Variants in CDKN2B-AS1 observed in about 807,000 individuals in gnomAD.
CDKN2B-AS1 encodes the protein CDKN2B and CDKN2A antisense cis and trans regulatory RNA 1, also known as CDKN2B antisense RNA 1 (non-protein coding).
At chr9:22,098,776 G>T (rs72652454) in intron 4 of CDKN2B-AS1, among the ~76,000 whole-genome samples, 184 of 152,228 alleles carry the variant, frequency 1.2e-3, no homozygotes, top group Admixed American at 2.5e-3. Flanking sequence ...CCCAGAACTG[G>T]CATCTTCTGA....
At chr9:22,017,690 C>A (rs914566699) in intron 1 of CDKN2B-AS1, among the ~76,000 whole-genome samples, 1 of 152,144 alleles carries the variant, frequency 6.6e-6, no homozygotes, top group African/African-American at 2.4e-5. Flanking sequence ...ATATGAACAA[C>A]ATATTGAAGT....
rs77588214 is a variant in CDKN2B-AS1 at position 22,063,772 on chromosome 9, G to A, written n.438+7385G>A. ...CCTGTGAGGAAACGAAGACCCCGGA[G>A]CTGGAGGACTCAAAGAGTTTGGAGA... On this transcript the variant is annotated intron_variant and non_coding_transcript_variant, in intron 4 of 4. Transcript: ENST00000650946. Among the ~76,000 whole-genome samples the A allele has an allele frequency of 8.1e-3, 1,239 of 152,306 alleles. 84 individuals carry two copies. In the East Asian group the frequency reaches 0.17, roughly 21 times the overall value.
chr9:22,016,747 G>A (rs1377192980), intron 1 of CDKN2B-AS1, among the ~76,000 whole-genome samples: 1 of 152,214 alleles, frequency 6.6e-6, no homozygotes, highest in Non-Finnish European at 1.5e-5. Flanking sequence ...CTAGCCATAT[G>A]TAGAAAGCTG....
intron 1 of CDKN2B-AS1, among the ~76,000 whole-genome samples, chr9:22,025,280 C>T (rs1195955821): frequency 1.3e-5 from 2 of 152,162 alleles, no homozygotes; most frequent in Non-Finnish European, 1.5e-5. Context: ...GGGGTGGGAC[C>T]TGTGGGAGAT....
At chr9:22,089,949 G>A (rs934189675) in intron 4 of CDKN2B-AS1, among the ~76,000 whole-genome samples, 4 of 151,422 alleles carry the variant, frequency 2.6e-5, no homozygotes, top group Admixed American at 1.3e-4. Context: ...TTAATATTAG[G>A]TATATCTCCT....
intron 4 of CDKN2B-AS1, among the ~76,000 whole-genome samples, chr9:22,126,004 A>C (rs1232876958): frequency 1.3e-5 from 2 of 152,212 alleles, no homozygotes; most frequent in Non-Finnish European, 2.9e-5. Flanking sequence ...TGATCCTTGA[A>C]TAATGCAGCA....
intron 4 of CDKN2B-AS1, chr9:22,120,606 G>GT (rs889037805): frequency 6.6e-6 from 1 of 151,836 alleles, no homozygotes; most frequent in African/African-American, 2.4e-5. Context: ...TCTACTAATG[G>GT]TTTTTTTAAA....
rs575432212 is a variant in CDKN2B-AS1 at position 21,997,430 on chromosome 9, G to T, written n.29+2269G>T. ...TGTGTGTATACAATTTTATATATAC[G>T]TACATTATATGTCTACACACACATA... is the stretch of plus-strand genomic sequence containing the variant. On this transcript the variant is annotated intron_variant and non_coding_transcript_variant, in intron 1 of 4. Coordinates refer to ENST00000650946, the Ensembl canonical transcript of CDKN2B-AS1. The surrounding 1 kb of genome is among the most constrained non-coding windows in gnomAD (Gnocchi z 4.8). Among the ~76,000 whole-genome samples the T allele has an allele frequency of 2.0e-5, 3 of 150,006 alleles. No individual in the cohort carries two copies. The highest frequency in any genetic ancestry group is 4.4e-5 in the Non-Finnish European group (3 of 67,564).
intron 1 of CDKN2B-AS1, among the ~76,000 whole-genome samples, chr9:22,017,825 A>AGTTTAGTAGT (rs1453503929): frequency 0.022 from 3,375 of 152,316 alleles, 94 homozygotes; most frequent in African/African-American, 0.062. Flanking sequence ...GAGGTGTTGC[A>AGTTTAGTAGT]TTAGTAACCA....
chr9:22,090,833 A>C (rs903471393), intron 4 of CDKN2B-AS1, among the ~76,000 whole-genome samples: 6 of 152,132 alleles, frequency 3.9e-5, no homozygotes, highest in African/African-American at 1.4e-4. Context: ...TAGTTTAATT[A>C]GATCCCATTT....
At chr9:22,121,020 A>C in intron 4 of CDKN2B-AS1, 1 of 152,190 alleles carries the variant, frequency 6.6e-6, no homozygotes, top group Admixed American at 6.5e-5. Flanking sequence ...AAGCAGTCTA[A>C]CCTTAGAGTA....
In CDKN2B-AS1 at chr9:22,000,939, C is replaced by T. The variant is rs886261274; in HGVS notation, n.29+5778C>T. The stretch of plus-strand genomic sequence containing the variant: ...TTGGTCCTGACTCCTACTCTGTTAT[C>T]CATAGCTCAGTACCTAGTATCTGGC... On this transcript the variant is annotated intron_variant and non_coding_transcript_variant, in intron 1 of 4. Transcript: ENST00000650946. The surrounding 1 kb of genome is among the most constrained non-coding windows in gnomAD (Gnocchi z 4.1). Among the ~76,000 whole-genome samples the T allele has an allele frequency of 6.6e-6, 1 of 152,104 alleles. No individual in the cohort carries two copies. Among genetic ancestry groups the T allele is most frequent in the African/African-American group, 2.4e-5 (1 of 41,422 alleles).
rs187111663 is a variant in CDKN2B-AS1 at position 22,091,161 on chromosome 9, G to A, written n.438+34774G>A. On this transcript the variant is annotated intron_variant and non_coding_transcript_variant, in intron 4 of 4. Transcript: ENST00000650946. Reference sequence around the variant, plus strand: ...TAGATATGTGGCATTATTTCTGAGCGCTTTGTTCTGTTCCATTGGTCTATA... The same window carrying A: ...TAGATATGTGGCATTATTTCTGAGCACTTTGTTCTGTTCCATTGGTCTATA... 1.1e-3 allele frequency among the ~76,000 whole-genome samples: 169 copies of A among 152,194 alleles called. 1 individual carries two copies. The highest frequency in any genetic ancestry group is 6.9e-3 in the South Asian group (33 of 4,816).
intron 1 of CDKN2B-AS1, among the ~76,000 whole-genome samples, chr9:22,019,376 A>G (rs1821924370): frequency 6.6e-6 from 1 of 152,220 alleles, no homozygotes; most frequent in Admixed American, 6.5e-5. Context: ...CTTGGACTAA[A>G]GTGCCTGAGC....
chr9:22,026,221 G>A (rs961419462), intron 1 of CDKN2B-AS1, among the ~76,000 whole-genome samples: 5 of 152,214 alleles, frequency 3.3e-5, no homozygotes, highest in Admixed American at 3.3e-4. Flanking sequence ...AAACAGCAAA[G>A]ATGGCAGCCT....
intron 1 of CDKN2B-AS1, among the ~76,000 whole-genome samples, chr9:22,007,636 G>A (rs1379802384): frequency 2.0e-5 from 3 of 151,884 alleles, no homozygotes; most frequent in Non-Finnish European, 2.9e-5. Context: ...TGTTTTGTTG[G>A]CTTGTTTCAT....
At position 21,996,707 on chromosome 9, in the gene CDKN2B-AS1, A is replaced by AG. The variant is rs1303709907; in HGVS notation, n.29+1552dup. Reference sequence around the variant, plus strand: ...ACCTTCAGCCGGCCTCCGCCTCTGTAGGGGGGCATTAGGTTTTCTGTCCCA... The same window carrying AG: ...ACCTTCAGCCGGCCTCCGCCTCTGTAGGGGGGGCATTAGGTTTTCTGTCCCA... On this transcript the variant is annotated intron_variant and non_coding_transcript_variant, in intron 1 of 4. Transcript: ENST00000650946. This position sits in a 1 kb window ranked among gnomAD's most constrained non-coding sequence, Gnocchi z 5.4. 6.6e-6 allele frequency among the ~76,000 whole-genome samples: 1 copy of AG among 152,050 alleles called. No homozygotes were observed. The highest frequency in any genetic ancestry group is 2.4e-5 in the African/African-American group (1 of 41,384).
At chr9:22,122,115 C>A (rs1434404407) in intron 4 of CDKN2B-AS1, among the ~76,000 whole-genome samples, 1 of 150,564 alleles carries the variant, frequency 6.6e-6, no homozygotes, top group Admixed American at 6.6e-5. Context: ...TGAGATGATA[C>A]CTCATTGCAG....
intron 4 of CDKN2B-AS1, among the ~76,000 whole-genome samples, chr9:22,105,451 G>C (rs544154665): frequency 2.0e-5 from 3 of 152,158 alleles, no homozygotes; most frequent in African/African-American, 7.2e-5. Context: ...TGCATGAAGC[G>C]GGGCTGGGCA....
Sources: allele counts gnomAD v4.1 joint callset (sites outside exome capture counted in the v4.1 genomes callset), GRCh38; gene constraint gnomAD v4.1.1; non-coding constraint Gnocchi (gnomAD v3.1); transcripts MANE v1.5; gene names NCBI Gene and HGNC (gene_info 2026-07-23, HGNC 2026-07-21).